DYM: variants seen among roughly 807,000 people sequenced by gnomAD.
DYM encodes the protein dyggve-Melchior-Clausen syndrome protein.
A neutral mutation model predicts 93.1 loss-of-function variants in DYM; 78 were observed. That is an observed-to-expected ratio of 0.84 (90% CI 0.70 to 1.01). The LOEUF (loss-of-function observed/expected upper bound fraction) is 1.01. Among genes scored for constraint, DYM ranks in the 50% least tolerant of loss-of-function variants. The pLI, the probability that DYM is intolerant of heterozygous loss-of-function variation, is 0.00. For synonymous variants in DYM, 321 were observed against 319.7 expected (o/e 1.00, Z -0.04); for missense variants, 789 against 845.0 (o/e 0.93, Z 0.82).
At chr18:49,257,554 G>A (rs2094412041) in intron 12 of DYM, among the ~76,000 whole-genome samples, 1 of 152,160 alleles carries the variant, frequency 6.6e-6, no homozygotes, top group East Asian at 1.9e-4. Flanking sequence ...ACTGAAAATG[G>A]GCTGGGAGTA....
At chr18:49,316,289 C>CA (rs923947710) in intron 8 of DYM, among the ~76,000 whole-genome samples, 4 of 150,666 alleles carry the variant, frequency 2.7e-5, no homozygotes, top group East Asian at 1.9e-4. Flanking sequence ...CACACACACA[C>CA]AAAAAAAAAT....
At chr18:49,352,067 C>G (rs2065160996) in intron 6 of DYM, among the ~76,000 whole-genome samples, 1 of 152,194 alleles carries the variant, frequency 6.6e-6, no homozygotes, top group South Asian at 2.1e-4. Context: ...CTGATCCATG[C>G]TATAACTAGA....
chr18:49,460,417 G>T lies in DYM; in HGVS notation c.-73C>A, dbSNP rs1041139533. ...GCCCACCTGTCTCAGCCGGCTGGGG[G>T]ATCTGCTCCAGCTCCACGGACCCGC... On this transcript the variant is annotated 5_prime_UTR_variant, in exon 1 of 18. Coordinates refer to ENST00000675505, the MANE Select transcript of DYM (RefSeq NM_001353214.3). 1 of 152,264 alleles carries T rather than the reference G, an allele frequency of 6.6e-6. No individual in the cohort carries two copies. The highest frequency in any genetic ancestry group is 1.5e-5 in the Non-Finnish European group (1 of 68,094). The allele number at this position is 152,264 out of a possible 1,614,324, so 9.4% of individuals were successfully genotyped here. A position where few individuals can be genotyped will look rare whatever the true frequency, so the allele number is the denominator to read the frequency against.
intron 8 of DYM, among the ~76,000 whole-genome samples, chr18:49,311,306 C>A (rs1321072417): frequency 2.0e-5 from 3 of 152,194 alleles, no homozygotes; most frequent in Non-Finnish European, 4.4e-5. Context: ...GTGAGATCCA[C>A]ACCAAGAGTA....
intron 13 of DYM, among the ~76,000 whole-genome samples, chr18:49,215,162 A>G (rs2092972754): frequency 6.6e-6 from 1 of 152,220 alleles, no homozygotes; most frequent in Non-Finnish European, 1.5e-5. Flanking sequence ...TTCAGTACAC[A>G]AAGTCTAACT....
At chr18:49,441,502 G>A in intron 1 of DYM, among the ~76,000 whole-genome samples, 1 of 147,974 alleles carries the variant, frequency 6.8e-6, no homozygotes, top group Non-Finnish European at 1.5e-5. Flanking sequence ...TGCCACAGGT[G>A]CCATGAGTCC....
At chr18:49,255,979 G>C (rs1054527863) in intron 13 of DYM, among the ~76,000 whole-genome samples, 4 of 151,094 alleles carry the variant, frequency 2.6e-5, no homozygotes, top group Non-Finnish European at 5.9e-5. Flanking sequence ...AGCTACTCGG[G>C]AGGCTGAGGC....
intron 11 of DYM, among the ~76,000 whole-genome samples, chr18:49,266,762 G>A (rs935145790): frequency 2.0e-5 from 3 of 152,142 alleles, no homozygotes; most frequent in African/African-American, 7.2e-5. Flanking sequence ...AGGTGGTAGT[G>A]ATAAAGTTTG....
chr18:49,204,599 A>T (rs1012513064), intron 14 of DYM, among the ~76,000 whole-genome samples: 1 of 152,218 alleles, frequency 6.6e-6, no homozygotes, highest in African/African-American at 2.4e-5. Flanking sequence ...AACTCTAAGC[A>T]GTATTGGTCT....
chr18:49,043,269 A>G lies in DYM; in HGVS notation c.*786T>C, dbSNP rs1481507350. 6.6e-6 allele frequency: 1 copy of G among 152,110 alleles called. No individual in the cohort carries two copies. The allele number at this position is 152,110 out of a possible 1,614,324, so 9.4% of individuals were successfully genotyped here. ...CTTAGCCTCCTGAGTAGCTAGGACT[A>G]CAGGAATGTGCCATCATGCCTGGCT... is the stretch of plus-strand genomic sequence containing the variant. On this transcript the variant is annotated 3_prime_UTR_variant, in exon 18 of 18. Coordinates refer to ENST00000675505, the MANE Select transcript of DYM (RefSeq NM_001353214.3).
chr18:49,370,618 C>A (rs548576995), intron 5 of DYM, among the ~76,000 whole-genome samples: 1 of 152,064 alleles, frequency 6.6e-6, no homozygotes, highest in African/African-American at 2.4e-5. Context: ...ATATAAAAAT[C>A]AGCTGGACAT....
intron 11 of DYM, among the ~76,000 whole-genome samples, chr18:49,262,598 T>A (rs879685382): frequency 3.9e-5 from 6 of 152,238 alleles, no homozygotes; most frequent in Admixed American, 3.9e-4. Flanking sequence ...CAGGTATGCC[T>A]GTCTGATAGT....
At chr18:49,150,005 C>A (rs768687794) in intron 15 of DYM, among the ~76,000 whole-genome samples, 1 of 152,132 alleles carries the variant, frequency 6.6e-6, no homozygotes, top group Non-Finnish European at 1.5e-5. Flanking sequence ...CCACACCCAG[C>A]CTCACAAAGT....
chr18:49,440,329 A>G (rs2081229118), intron 1 of DYM, among the ~76,000 whole-genome samples: 1 of 133,898 alleles, frequency 7.5e-6, no homozygotes, highest in Admixed American at 8.5e-5. Context: ...ATATACATAT[A>G]CTATTATATA....
chr18:49,396,823 C>T (rs775610900), intron 2 of DYM, among the ~76,000 whole-genome samples: 10 of 152,018 alleles, frequency 6.6e-5, no homozygotes, highest in Non-Finnish European at 1.2e-4. Flanking sequence ...GCACAAAAGA[C>T]GAATAACACA....
intron 10 of DYM, among the ~76,000 whole-genome samples, chr18:49,274,245 T>C (rs1275604519): frequency 6.6e-6 from 1 of 152,130 alleles, no homozygotes; most frequent in Non-Finnish European, 1.5e-5. Context: ...AATAGAATCA[T>C]ACACTACGTA....
chr18:49,411,573 G>A (rs1346416427), intron 2 of DYM, among the ~76,000 whole-genome samples: 1 of 152,084 alleles, frequency 6.6e-6, no homozygotes, highest in African/African-American at 2.4e-5. Flanking sequence ...TGAAAAGTGA[G>A]AAATTAATAG....
chr18:49,186,313 A>C (rs2090429493), intron 14 of DYM, among the ~76,000 whole-genome samples: 1 of 152,106 alleles, frequency 6.6e-6, no homozygotes, highest in African/African-American at 2.4e-5. Context: ...TTGGCTCTCA[A>C]CATTTAAAGC....
intron 17 of DYM, among the ~76,000 whole-genome samples, chr18:49,080,662 G>A (rs919230970): frequency 1.3e-5 from 2 of 148,660 alleles, no homozygotes; most frequent in African/African-American, 2.5e-5. Context: ...CCTCCCTCCC[G>A]GACGGGGCGG....
Sources: gnomAD v4.1 joint callset for allele counts (sites outside exome capture counted in the v4.1 genomes callset) on GRCh38, gnomAD v4.1.1 for gene constraint, MANE v1.5 for transcripts, NCBI Gene and HGNC (gene_info 2026-07-23, HGNC 2026-07-21) for gene names.